The following SOX5 variants were observed in gnomAD, a reference collection of about 807,000 sequenced individuals.
The protein encoded by SOX5 is transcription factor SOX-5.
SOX5 carries 9 observed loss-of-function variants against 92.0 expected under a neutral mutation model. The ratio of observed to expected loss-of-function variants is 0.10; its 90% CI spans 0.06 to 0.17. SOX5 has a LOEUF of 0.17. Among genes scored for constraint, SOX5 ranks in the 10% least tolerant of loss-of-function variants. SOX5 has a pLI of 1.00. For synonymous variants in SOX5, 344 were observed against 336.3 expected, an observed-to-expected ratio of 1.02 and a Z score of -0.25; for missense variants, 642 against 944.5, an observed-to-expected ratio of 0.68 and a Z score of 4.20.
At chr12:23,777,301 G>A (rs2095134532) in intron 3 of SOX5, among the ~76,000 whole-genome samples, 1 of 152,130 alleles carries the variant, frequency 6.6e-6, no homozygotes, top group African/African-American at 2.4e-5. Context: ...TATCTCCCAT[G>A]TATGCTATAC....
At chr12:24,499,700 C>T (rs563081588) in intron 1 of SOX5, among the ~76,000 whole-genome samples, 3 of 150,014 alleles carry the variant, frequency 2.0e-5, no homozygotes, top group Non-Finnish European at 3.0e-5. Flanking sequence ...CTAGTCCAGG[C>T]GAAGGATGCT....
chr12:24,332,156 A>G (rs774404034), intron 2 of SOX5, among the ~76,000 whole-genome samples: 16 of 152,188 alleles, frequency 1.1e-4, no homozygotes, highest in South Asian at 4.1e-4. Context: ...ATGCATATCT[A>G]TAATGTCAAG....
chr12:24,111,541 C>T (rs1729979832), intron 4 of SOX5, among the ~76,000 whole-genome samples: 2 of 152,128 alleles, frequency 1.3e-5, no homozygotes, highest in Non-Finnish European at 2.9e-5. Context: ...TCTAGTTTAG[C>T]TCAAAATCGA....
Position 23,875,498 on chromosome 12 carries a change from CATT to C in SOX5, c.270+20292_270+20294del, listed in dbSNP as rs1206509022. On this transcript the variant is annotated intron_variant, in intron 2 of 14. Coordinates refer to ENST00000451604, the MANE Select transcript of SOX5 (RefSeq NM_006940.6). Reference sequence around the variant, plus strand: ...TGTTTTTTCTTTAGTAAAAAAGTTTCATTATTTTTTCTTCATAGAAAGGAAGGA... The same window carrying C: ...TGTTTTTTCTTTAGTAAAAAAGTTTCATTTTTTCTTCATAGAAAGGAAGGA... Among the ~76,000 whole-genome samples the C allele has an allele frequency of 2.0e-5, 3 of 151,204 alleles. No homozygotes were observed. The East Asian group carries it at 5.8e-4, about 29-fold the overall frequency.
chr12:24,555,190 G>A (rs1953648677), intron 1 of SOX5, among the ~76,000 whole-genome samples: 2 of 152,200 alleles, frequency 1.3e-5, no homozygotes, highest in Non-Finnish European at 1.5e-5. Flanking sequence ...AGACTTGCAA[G>A]GTGTTTGAGG....
chr12:24,287,374 T>G (rs931566251), intron 2 of SOX5, among the ~76,000 whole-genome samples: 1 of 152,158 alleles, frequency 6.6e-6, no homozygotes, highest in Non-Finnish European at 1.5e-5. Flanking sequence ...TCTACTCAAT[T>G]TACAGATAAC....
chr12:24,453,257 A>T (rs1426454952), intron 1 of SOX5, among the ~76,000 whole-genome samples: 2 of 151,742 alleles, frequency 1.3e-5, no homozygotes, highest in African/African-American at 2.4e-5. Context: ...AAATGCTAGA[A>T]TTTTTTTTCC....
intron 1 of SOX5, among the ~76,000 whole-genome samples, chr12:24,369,864 C>G (rs1019671063): frequency 6.6e-6 from 1 of 152,198 alleles, no homozygotes; most frequent in African/African-American, 2.4e-5. Flanking sequence ...GTCCAAAAAG[C>G]TTCGAAAGCT....
At chr12:23,777,524 T>A (rs553801209) in intron 3 of SOX5, among the ~76,000 whole-genome samples, 8 of 152,304 alleles carry the variant, frequency 5.3e-5, no homozygotes, top group African/African-American at 1.9e-4. Flanking sequence ...CAGAGAGCAA[T>A]GACCATAACG....
At chr12:24,557,155 C>G (rs1191064306) in intron 1 of SOX5, among the ~76,000 whole-genome samples, 1 of 152,090 alleles carries the variant, frequency 6.6e-6, no homozygotes, top group South Asian at 2.1e-4. Context: ...CTTTGGGAGG[C>G]TGAGGTGGAG....
chr12:24,181,759 G>A (rs190556389), intron 4 of SOX5, among the ~76,000 whole-genome samples: 1 of 152,292 alleles, frequency 6.6e-6, no homozygotes, highest in Admixed American at 6.5e-5. Flanking sequence ...AGGCAAAGAT[G>A]CAAAAGGTAA....
At chr12:24,364,614 A>G (rs1955980991) in intron 2 of SOX5, among the ~76,000 whole-genome samples, 1 of 148,772 alleles carries the variant, frequency 6.7e-6, no homozygotes, top group East Asian at 2.0e-4. Context: ...TCTATTGATG[A>G]CTGATACTAC....
At chr12:24,143,554 C>CA in intron 4 of SOX5, among the ~76,000 whole-genome samples, 1 of 151,722 alleles carries the variant, frequency 6.6e-6, no homozygotes, top group Middle Eastern at 3.4e-3. Flanking sequence ...TTCCCAAGGA[C>CA]AAAAAGAGCA....
At chr12:24,240,838 T>C (rs778304440) in intron 3 of SOX5, among the ~76,000 whole-genome samples, 3 of 152,202 alleles carry the variant, frequency 2.0e-5, no homozygotes, top group Middle Eastern at 3.2e-3. Flanking sequence ...TATTTTTCCA[T>C]ACCAATTAAT....
intron 1 of SOX5, among the ~76,000 whole-genome samples, chr12:24,528,661 C>T (rs1228618672): frequency 2.0e-5 from 3 of 152,204 alleles, no homozygotes; most frequent in Non-Finnish European, 2.9e-5. Flanking sequence ...GAATCGAGTC[C>T]AGCAAGGGAG....
At chr12:23,548,636 T>C (rs1295973341) in intron 11 of SOX5, among the ~76,000 whole-genome samples, 1 of 151,862 alleles carries the variant, frequency 6.6e-6, no homozygotes, top group African/African-American at 2.4e-5. Context: ...AAGGATAACG[T>C]TGCCACATTT....
At chr12:23,999,377 C>T (rs1951374180) in intron 4 of SOX5, among the ~76,000 whole-genome samples, 2 of 151,882 alleles carry the variant, frequency 1.3e-5, no homozygotes, top group African/African-American at 4.8e-5. Flanking sequence ...GTTCTAGATA[C>T]CTAGTATACA....
intron 2 of SOX5, among the ~76,000 whole-genome samples, chr12:23,893,155 G>A (rs2097145100): frequency 6.6e-6 from 1 of 152,122 alleles, no homozygotes; most frequent in African/African-American, 2.4e-5. Context: ...CATTAAAAAT[G>A]GAATGGTTTT....
chr12:23,675,260 T>G (rs1371948050), intron 6 of SOX5, among the ~76,000 whole-genome samples: 5 of 152,218 alleles, frequency 3.3e-5, no homozygotes, highest in Admixed American at 6.5e-5. Flanking sequence ...ATCTTGCCTA[T>G]GTTGGTTTGC....
Sources: allele counts gnomAD v4.1 joint callset (sites outside exome capture counted in the v4.1 genomes callset), GRCh38; gene constraint gnomAD v4.1.1; transcripts MANE v1.5; gene names NCBI Gene and HGNC (gene_info 2026-07-23, HGNC 2026-07-21).